Variants in GCLM observed in about 807,000 individuals in gnomAD.
The protein encoded by GCLM is glutamate--cysteine ligase regulatory subunit.
A neutral mutation model predicts 36.0 loss-of-function variants in GCLM; 15 were observed. That is an observed-to-expected ratio of 0.42 (90% CI 0.28 to 0.64). The LOEUF is 0.64. Among genes scored for constraint, GCLM ranks in the 30% least tolerant of loss-of-function variants. The pLI is 0.25. For missense variants in GCLM, 242 were observed against 325.5 expected (o/e 0.74, Z 1.97); for synonymous variants, 129 against 122.8 (o/e 1.05, Z -0.34).
intron 6 of GCLM, among the ~76,000 whole-genome samples, chr1:93,891,279 G>A (rs926262773): frequency 6.6e-6 from 1 of 151,996 alleles, no homozygotes; most frequent in African/African-American, 2.4e-5. Context: ...GGCCACACTG[G>A]CCTCACCTCC....
At chr1:93,896,846 A>G in intron 4 of GCLM, 26 bp from the exon 5 acceptor site, 1 of 1,286,300 alleles carries the variant, frequency 7.8e-7, no homozygotes, top group Non-Finnish European at 1.1e-6. Flanking sequence ...ACACAAAGAA[A>G]ATAAATGCTT....
rs376457310 is a variant in GCLM, at chr1:93,889,088, C to T, written c.727G>A (p.Val243Met). Reference sequence around the variant, plus strand: ...GAATACCGCAGTAGCCACAGCGGCACCCACTCGTGCGCTTGAATGTCAGGA... The same window carrying T: ...GAATACCGCAGTAGCCACAGCGGCATCCACTCGTGCGCTTGAATGTCAGGA... ...SIPDIQAHEW[V>M]PLWLLRYSVI... The change falls in exon 7 of 7, where the codon GTG (valine) becomes ATG (methionine). Residue 243 changes from valine (V) to methionine (M), a missense_variant. By Grantham distance (21) the Val-to-Met change is conservative. Coordinates refer to ENST00000370238, the MANE Select transcript of GCLM (RefSeq NM_002061.4). 5 of 1,601,886 alleles carry T rather than the reference C, an allele frequency of 3.1e-6. No homozygotes were observed. The highest frequency in any genetic ancestry group is 1.7e-4 in the Middle Eastern group (1 of 6,058).
intron 4 of GCLM, among the ~76,000 whole-genome samples, chr1:93,897,175 T>C (rs1656762052): frequency 6.6e-6 from 1 of 152,168 alleles, no homozygotes; most frequent in African/African-American, 2.4e-5. Flanking sequence ...AATTTTCTTC[T>C]CCAGTTCTAC....
Position 93,888,900 on chromosome 1 carries a change from C to T in GCLM, c.*90G>A, listed in dbSNP as rs770601422. On this transcript the variant is annotated 3_prime_UTR_variant, in exon 7 of 7. Transcript: ENST00000370238. ...GACGAAAGAATATCTGCCTCAATGACACCATTTACAGGCAGTAACTAGATT... is the reference window on the plus strand; with the variant it reads ...GACGAAAGAATATCTGCCTCAATGATACCATTTACAGGCAGTAACTAGATT... 8.7e-6 allele frequency: 7 copies of T among 808,794 alleles called. No homozygotes were observed. The highest frequency in any genetic ancestry group is 1.3e-5 in the Non-Finnish European group (7 of 520,738). 50.1% of individuals were successfully genotyped at this position (808,794 alleles called of 1,614,324 possible).
Position 93,890,054 on chromosome 1 carries a change from G to A in GCLM, c.656-895C>T, listed in dbSNP as rs960481631. 9.2e-5 allele frequency among the ~76,000 whole-genome samples: 14 copies of A among 151,948 alleles called. No individual in the cohort carries two copies. In the East Asian group the frequency reaches 2.7e-3, roughly 29 times the overall value. The stretch of plus-strand genomic sequence containing the variant: ...AGCCTCCCAAGTAACTGGGATTACA[G>A]GCATGCACCACCATGCCTGGCTAAT... On this transcript the variant is annotated intron_variant, in intron 6 of 6. Transcript: ENST00000370238.
At position 93,909,335 on chromosome 1, in the gene GCLM, G is replaced by A. The variant is rs1312626594; in HGVS notation, c.-172C>T. The A allele has an allele frequency of 9.7e-7, 1 of 1,031,066 alleles. No individual in the cohort carries two copies. The highest frequency in any genetic ancestry group is 1.7e-5 in the African/African-American group (1 of 58,690). The allele number at this position is 1,031,066 out of a possible 1,614,324, so 63.9% of individuals were successfully genotyped here. On this transcript the variant is annotated 5_prime_UTR_variant, in exon 1 of 7. Transcript: ENST00000370238. ...TCTGCGCTCGGGCCCGAGGGAGGCC[G>A]GACGGCGGCTGGGCGGCGGCGGGAA... is the stretch of plus-strand genomic sequence containing the variant.
chr1:93,896,783 CA>C lies in GCLM; in HGVS notation c.374del (p.Val125GlyfsTer26). The C allele has an allele frequency of 6.2e-7, 1 of 1,610,362 alleles. No homozygotes were observed. Among genetic ancestry groups the C allele is most frequent in the Non-Finnish European group, 8.5e-7 (1 of 1,176,494 alleles). The part of the protein sequence containing the change: ...SVLGVAQLDS[V>X]IIASPPIEDG... Reference sequence around the variant, plus strand: ...CTTCAATAGGAGGTGAAGCAATGATCACAGAATCCAGCTGTGCAACTCCAAG... The same window carrying C: ...CTTCAATAGGAGGTGAAGCAATGATCCAGAATCCAGCTGTGCAACTCCAAG... On this transcript the variant is annotated frameshift_variant, in exon 5 of 7. Coordinates refer to ENST00000370238, the MANE Select transcript of GCLM (RefSeq NM_002061.4). LOFTEE classifies it high-confidence loss of function.
intron 6 of GCLM, among the ~76,000 whole-genome samples, chr1:93,893,735 A>G (rs1656617696): frequency 6.6e-6 from 1 of 152,194 alleles, no homozygotes; most frequent in South Asian, 2.1e-4. Flanking sequence ...TGAAACATTT[A>G]TCTTTGCAAG....
chr1:93,902,156 T>C (rs766562657), intron 2 of GCLM, among the ~76,000 whole-genome samples: 2 of 152,094 alleles, frequency 1.3e-5, no homozygotes, highest in Non-Finnish European at 2.9e-5. Context: ...GATTTAGTTT[T>C]TGGGTTTTTT....
Position 93,896,656 on chromosome 1 carries a change from C to T in GCLM, c.502G>A (p.Asp168Asn). Residue 168 changes from aspartate (D) to asparagine (N), a missense_variant, in exon 5 of 7, where the codon GAC becomes AAC. Transcript: ENST00000370238. ...KIVAIGTSDL[D>N]KTQLEQLYQW... Reference sequence around the variant, plus strand: ...TACAGCTGTTCCAACTGTGTTTTGTCTAGATCAGAGGTACCTATGGCAACA... The same window carrying T: ...TACAGCTGTTCCAACTGTGTTTTGTTTAGATCAGAGGTACCTATGGCAACA... 1 of 1,614,126 alleles carries T rather than the reference C, an allele frequency of 6.2e-7. No individual in the cohort carries two copies. Among genetic ancestry groups the T allele is most frequent in the Non-Finnish European group, 8.5e-7 (1 of 1,179,994 alleles).
At chr1:93,892,686 T>C (rs985347901) in intron 6 of GCLM, among the ~76,000 whole-genome samples, 1 of 152,218 alleles carries the variant, frequency 6.6e-6, no homozygotes, top group African/African-American at 2.4e-5. Context: ...CATATACATA[T>C]GCAATATATT....
intron 1 of GCLM, among the ~76,000 whole-genome samples, chr1:93,905,228 C>T (rs1371905940): frequency 3.7e-5 from 5 of 134,232 alleles, no homozygotes; most frequent in Non-Finnish European, 8.1e-5. Flanking sequence ...GGTTTATAAA[C>T]AAAGGAACTT....
At chr1:93,907,217 T>C (rs1657176938) in intron 1 of GCLM, among the ~76,000 whole-genome samples, 1 of 152,232 alleles carries the variant, frequency 6.6e-6, no homozygotes, top group Non-Finnish European at 1.5e-5. Flanking sequence ...ATAGTTTCCC[T>C]ACAGTATGAT....
At chr1:93,901,822 G>C (rs957407056) in intron 2 of GCLM, among the ~76,000 whole-genome samples, 153 bp from the exon 3 acceptor site, 4 of 151,934 alleles carry the variant, frequency 2.6e-5, no homozygotes, top group Non-Finnish European at 5.9e-5. Flanking sequence ...CACAAGGGTT[G>C]TAAAGCTCTG....
At chr1:93,904,348 T>C in intron 2 of GCLM, 175 bp downstream of exon 2, 1 of 603,500 alleles carries the variant, frequency 1.7e-6, no homozygotes, top group Non-Finnish European at 3.0e-6. Flanking sequence ...ACGGTCTAGA[T>C]TTTCTGTTTT....
At chr1:93,908,417 G>A (rs984382975) in intron 1 of GCLM, among the ~76,000 whole-genome samples, 1 of 152,164 alleles carries the variant, frequency 6.6e-6, no homozygotes, top group Non-Finnish European at 1.5e-5. Context: ...TGCATAGAAT[G>A]TACAATGATA....
chr1:93,896,477 G>A lies in GCLM; in HGVS notation c.540+141C>T, dbSNP rs933112511. 4.4e-6 allele frequency: 3 copies of A among 677,086 alleles called. No homozygotes were observed. In the Admixed American group the frequency reaches 7.2e-5, roughly 16 times the overall value. The allele number at this position is 677,086 out of a possible 1,614,324, so 41.9% of individuals were successfully genotyped here. ...AGATAAAACCTGCCTCAAAACTCCT[G>A]CAGAAACAAAACAAAACTCCCACAT... On this transcript the variant is annotated intron_variant, in intron 5 of 6. Transcript: ENST00000370238.
At chr1:93,889,585 A>G (rs1048461377) in intron 6 of GCLM, among the ~76,000 whole-genome samples, 1 of 151,918 alleles carries the variant, frequency 6.6e-6, no homozygotes, top group Non-Finnish European at 1.5e-5. Context: ...CTTCATATAT[A>G]TATATATATC....
intron 1 of GCLM, among the ~76,000 whole-genome samples, chr1:93,907,508 C>T (rs941822480): frequency 4.6e-5 from 7 of 152,160 alleles, no homozygotes; most frequent in African/African-American, 1.7e-4. Flanking sequence ...GTAAAATGTA[C>T]TTCTTACTGT....
Sources: allele counts gnomAD v4.1 joint callset (sites outside exome capture counted in the v4.1 genomes callset), GRCh38; gene constraint gnomAD v4.1.1; transcripts MANE v1.5; gene names NCBI Gene and HGNC (gene_info 2026-07-23, HGNC 2026-07-21).